Variants in KCNH1 observed in about 807,000 individuals in gnomAD.
The protein encoded by KCNH1 is voltage-gated delayed rectifier potassium channel KCNH1.
In KCNH1, 27 loss-of-function variants were observed where a neutral mutation model predicts 69.2. That is an observed-to-expected ratio of 0.39 (90% CI 0.29 to 0.54). The LOEUF (loss-of-function observed/expected upper bound fraction) is 0.54. Ranked by LOEUF, KCNH1 falls within the 20% of genes least tolerant of loss-of-function variation. The pLI, the probability that KCNH1 is intolerant of heterozygous loss-of-function variation, is 0.68. For missense variants in KCNH1, 798 were observed against 1,261.6 expected, an observed-to-expected ratio of 0.63 and a Z score of 5.57; for synonymous variants, 456 against 487.7, an observed-to-expected ratio of 0.93 and a Z score of 0.86.
intron 7 of KCNH1, among the ~76,000 whole-genome samples, chr1:210,812,734 T>C (rs1351701024): frequency 6.6e-6 from 1 of 152,150 alleles, no homozygotes; most frequent in Non-Finnish European, 1.5e-5. Flanking sequence ...CTCTCTCACT[T>C]CCAAGTCAAT....
At chr1:210,701,528 C>A (rs987142280) in intron 10 of KCNH1, among the ~76,000 whole-genome samples, 1 of 152,146 alleles carries the variant, frequency 6.6e-6, no homozygotes, top group African/African-American at 2.4e-5. Context: ...ACAGCCTTGG[C>A]CTTGAATTTT....
intron 5 of KCNH1, among the ~76,000 whole-genome samples, chr1:211,053,250 A>G (rs1690237875): frequency 6.6e-6 from 1 of 152,214 alleles, no homozygotes; most frequent in African/African-American, 2.4e-5. Context: ...TCATAAGAGC[A>G]TGAGTGTTTA....
intron 6 of KCNH1, among the ~76,000 whole-genome samples, chr1:210,954,771 G>C (rs1198998562): frequency 1.3e-5 from 2 of 151,518 alleles, no homozygotes; most frequent in Admixed American, 1.3e-4. Flanking sequence ...TTGTAACTTT[G>C]TTTAAGTTCT....
chr1:211,100,104 C>G (rs961710576), intron 3 of KCNH1, among the ~76,000 whole-genome samples: 2 of 152,086 alleles, frequency 1.3e-5, no homozygotes, highest in Non-Finnish European at 1.5e-5. Context: ...TCAAACGATC[C>G]TCCTCCCTCA....
At chr1:210,839,105 C>A (rs1685351326) in intron 7 of KCNH1, among the ~76,000 whole-genome samples, 1 of 152,152 alleles carries the variant, frequency 6.6e-6, no homozygotes, top group Non-Finnish European at 1.5e-5. Flanking sequence ...AAGTCACATG[C>A]ACGCATATGT....
intron 6 of KCNH1, among the ~76,000 whole-genome samples, chr1:211,010,152 G>A (rs771781415): frequency 2.0e-5 from 3 of 152,142 alleles, no homozygotes; most frequent in Non-Finnish European, 4.4e-5. Flanking sequence ...CAGCCTAGCG[G>A]ACGCAGAAAA....
At chr1:210,724,938 TCTC>T (rs1245737517) in intron 10 of KCNH1, among the ~76,000 whole-genome samples, 4 of 152,238 alleles carry the variant, frequency 2.6e-5, no homozygotes, top group Admixed American at 2.0e-4. Context: ...CTCCCTGACT[TCTC>T]CTGTCATGAG....
chr1:211,018,604 G>C (rs1437554869), intron 6 of KCNH1, among the ~76,000 whole-genome samples, 179 bp downstream of exon 6: 1 of 152,180 alleles, frequency 6.6e-6, no homozygotes, highest in African/African-American at 2.4e-5. Flanking sequence ...CTGTCATGCA[G>C]GGCCTCCAAA....
At chr1:210,852,065 G>A (rs1051362544) in intron 7 of KCNH1, among the ~76,000 whole-genome samples, 4 of 152,194 alleles carry the variant, frequency 2.6e-5, no homozygotes, top group African/African-American at 9.7e-5. Flanking sequence ...AGAAGTGTTT[G>A]GAAGAATAAA....
rs910390776 is a variant in KCNH1 at position 210,681,459 on chromosome 1, C to G, written c.*1822G>C. The G allele has an allele frequency of 6.6e-6, 1 of 152,226 alleles. No homozygotes were observed. The highest frequency in any genetic ancestry group is 1.5e-5 in the Non-Finnish European group (1 of 68,100). The allele number at this position is 152,226 out of a possible 1,614,324, so 9.4% of individuals were successfully genotyped here. ...ACATATGAGGTTAGGGCTCATGGAGCAGGACTCTCCCTTGAGCTCGCAGGC... is the reference window on the plus strand; with the variant it reads ...ACATATGAGGTTAGGGCTCATGGAGGAGGACTCTCCCTTGAGCTCGCAGGC... On this transcript the variant is annotated 3_prime_UTR_variant, in exon 11 of 11. Coordinates refer to ENST00000271751, the MANE Select transcript of KCNH1 (RefSeq NM_172362.3).
chr1:210,959,197 G>T (rs558870991), intron 6 of KCNH1, among the ~76,000 whole-genome samples: 1 of 152,276 alleles, frequency 6.6e-6, no homozygotes, highest in South Asian at 2.1e-4. Flanking sequence ...GTTGGAGCTT[G>T]CTGGAGGTCC....
intron 6 of KCNH1, among the ~76,000 whole-genome samples, chr1:210,992,531 A>G (rs1249606413): frequency 2.0e-5 from 3 of 152,218 alleles, no homozygotes; most frequent in African/African-American, 7.2e-5. Flanking sequence ...CAAAGACACA[A>G]AACACATTCA....
At chr1:210,688,739 T>C (rs1265099054) in intron 10 of KCNH1, among the ~76,000 whole-genome samples, 1 of 152,228 alleles carries the variant, frequency 6.6e-6, no homozygotes, top group Non-Finnish European at 1.5e-5. Context: ...TAAACATTTT[T>C]GCAATGAGGA....
At chr1:210,916,629 A>G (rs1687337689) in intron 7 of KCNH1, among the ~76,000 whole-genome samples, 1 of 152,176 alleles carries the variant, frequency 6.6e-6, no homozygotes, top group Non-Finnish European at 1.5e-5. Context: ...GGTTCTTGGG[A>G]AAGTGAGTTA....
intron 6 of KCNH1, among the ~76,000 whole-genome samples, chr1:210,943,824 G>A (rs1687913741): frequency 6.6e-6 from 1 of 152,162 alleles, no homozygotes; most frequent in Admixed American, 6.5e-5. Context: ...GAGGACTCTG[G>A]GCTCTTACAA....
At position 211,114,003 on chromosome 1, in the gene KCNH1, C is replaced by T. The variant is rs907178514; in HGVS notation, c.80-6626G>A. On this transcript the variant is annotated intron_variant, in intron 1 of 10. Transcript: ENST00000271751. ...ACACACACACACACACACACACACA[C>T]ATACACACACACACAGAGAAAGAGA... Among the ~76,000 whole-genome samples the T allele has an allele frequency of 4.3e-3, 576 of 133,102 alleles. 1 individual carries two copies. Among genetic ancestry groups the T allele is most frequent in the African/African-American group, 0.014 (545 of 39,148 alleles). The allele number at this position is 133,102 out of a possible 152,430, so 87.3% of individuals were successfully genotyped here.
chr1:211,077,779 G>A (rs1690764431), intron 5 of KCNH1, among the ~76,000 whole-genome samples: 1 of 152,222 alleles, frequency 6.6e-6, no homozygotes, highest in Admixed American at 6.5e-5. Flanking sequence ...AAAAGTAAAT[G>A]GGCAAAATGC....
At chr1:210,938,316 A>T (rs1201676942) in intron 6 of KCNH1, among the ~76,000 whole-genome samples, 7 of 152,238 alleles carry the variant, frequency 4.6e-5, no homozygotes, top group Non-Finnish European at 1.0e-4. Flanking sequence ...TACATATAAT[A>T]TCTCTAGAAA....
chr1:210,931,473 G>A (rs942553822), intron 6 of KCNH1, among the ~76,000 whole-genome samples: 71 of 152,142 alleles, frequency 4.7e-4, no homozygotes, highest in African/African-American at 1.6e-3. Flanking sequence ...CTATGAGGAC[G>A]CAAAGGCCTA....
Sources: gnomAD v4.1 joint callset for allele counts (sites outside exome capture counted in the v4.1 genomes callset) on GRCh38, gnomAD v4.1.1 for gene constraint, MANE v1.5 for transcripts, NCBI Gene and HGNC (gene_info 2026-07-23, HGNC 2026-07-21) for gene names.